The following SLC6A3 variants were observed in gnomAD, a reference collection of about 807,000 sequenced individuals.
The protein encoded by SLC6A3 is sodium-dependent dopamine transporter.
SLC6A3 carries 19 observed loss-of-function variants against 70.4 expected under a neutral mutation model. The ratio of observed to expected loss-of-function variants is 0.27; its 90% CI spans 0.19 to 0.40. SLC6A3 has a LOEUF of 0.40. Ranked by LOEUF, SLC6A3 falls within the 10% of genes least tolerant of loss-of-function variation. The pLI, the probability that SLC6A3 is intolerant of heterozygous loss-of-function variation, is 1.00. For missense variants in SLC6A3, 613 were observed against 838.5 expected, an observed-to-expected ratio of 0.73 and a Z score of 3.32; for synonymous variants, 368 against 356.6, an observed-to-expected ratio of 1.03 and a Z score of -0.36.
At position 1,421,861 on chromosome 5, in the gene SLC6A3, AC is replaced by A; in HGVS notation, c.792+14del. ...CCCATGTCTACAGGCCCAATTGGTG[AC>A]CCCCGAGCCTCACCTTCCCTGAGGT... On this transcript the variant is annotated intron_variant, in intron 5 of 14. Transcript: ENST00000270349. This position sits in a 1 kb window ranked among gnomAD's most constrained non-coding sequence, Gnocchi z 7.2. 1.2e-5 allele frequency: 20 copies of A among 1,612,526 alleles called. No individual in the cohort carries two copies. The highest frequency in any genetic ancestry group is 1.6e-5 in the Non-Finnish European group (19 of 1,179,858).
At position 1,405,945 on chromosome 5, in the gene SLC6A3, G is replaced by A. The variant is rs186123863; in HGVS notation, c.1599+243C>T. Among the ~76,000 whole-genome samples, 26 of 152,296 alleles carry A rather than the reference G, an allele frequency of 1.7e-4. No individual in the cohort carries two copies. The East Asian group carries it at 4.8e-3, about 28-fold the overall frequency. ...GCGGCCCAAGTGCAGGACTCACAACGGACTGTGACAGGGGTCCAAGACCAT... is the reference window on the plus strand; with the variant it reads ...GCGGCCCAAGTGCAGGACTCACAACAGACTGTGACAGGGGTCCAAGACCAT... On this transcript the variant is annotated intron_variant, in intron 12 of 14. Transcript: ENST00000270349. The surrounding 1 kb of genome is among the most constrained non-coding windows in gnomAD (Gnocchi z 5.3).
Position 1,411,397 on chromosome 5 carries a change from T to C in SLC6A3, c.1157-42A>G. On this transcript the variant is annotated intron_variant, in intron 8 of 14. Transcript: ENST00000270349. The surrounding 1 kb of genome is among the most constrained non-coding windows in gnomAD (Gnocchi z 6.5). ...CCTGCTTGCCACAGAGCCCACGCTG[T>C]GCTCTCCCGCCCATCCTGCCCCACC... 1 of 1,437,946 alleles carries C rather than the reference T, an allele frequency of 7.0e-7. No homozygotes were observed. The highest frequency in any genetic ancestry group is 9.6e-7 in the Non-Finnish European group (1 of 1,045,862). The allele number at this position is 1,437,946 out of a possible 1,614,324, so 89.1% of individuals were successfully genotyped here.
In SLC6A3 at chr5:1,438,456, C is replaced by G. The variant is rs529450919; in HGVS notation, c.418+2903G>C. Among the ~76,000 whole-genome samples the G allele has an allele frequency of 2.0e-5, 3 of 152,228 alleles. No individual in the cohort carries two copies. The highest frequency in any genetic ancestry group is 7.2e-5 in the African/African-American group (3 of 41,464). On this transcript the variant is annotated intron_variant, in intron 3 of 14. Coordinates refer to ENST00000270349, the MANE Select transcript of SLC6A3 (RefSeq NM_001044.5). The surrounding 1 kb of genome is among the most constrained non-coding windows in gnomAD (Gnocchi z 6.5). ...ATCCGCCGGCTGCATTTCTTCAGAA[C>G]GAGGTGCCACTGCTCACGCTGATGG...
intron 8 of SLC6A3, among the ~76,000 whole-genome samples, chr5:1,412,916 G>T (rs187735365): frequency 2.6e-5 from 4 of 152,236 alleles, no homozygotes; most frequent in African/African-American, 9.6e-5. Context: ...CGCGTGGGGT[G>T]GGGGAGGCAG....
Position 1,392,941 on chromosome 5 carries a change from A to C in SLC6A3, c.*1794T>G, listed in dbSNP as rs1560901019. 1.3e-5 allele frequency: 2 copies of C among 151,416 alleles called. No homozygotes were observed. Among genetic ancestry groups the C allele is most frequent in the African/African-American group, 4.9e-5 (2 of 40,736 alleles). 9.4% of individuals were successfully genotyped at this position (151,416 alleles called of 1,614,324 possible). On this transcript the variant is annotated 3_prime_UTR_variant, in exon 15 of 15. Coordinates refer to ENST00000270349, the MANE Select transcript of SLC6A3 (RefSeq NM_001044.5). ...GGAAGCCGCTCTCTGTGCTGACTGC[A>C]GCAGCCAGAAGGCGATGGGGAAGCT...
At position 1,438,738 on chromosome 5, in the gene SLC6A3, G is replaced by C. The variant is rs1035184190; in HGVS notation, c.418+2621C>G. ...TGCTCCAACACCAGGCTCACTGGCG[G>C]GAGTGGGGCACAGGGCTGTGCCTTG... is the stretch of plus-strand genomic sequence containing the variant. On this transcript the variant is annotated intron_variant, in intron 3 of 14. Coordinates refer to ENST00000270349, the MANE Select transcript of SLC6A3 (RefSeq NM_001044.5). The surrounding 1 kb of genome is among the most constrained non-coding windows in gnomAD (Gnocchi z 6.5). 1.3e-5 allele frequency among the ~76,000 whole-genome samples: 2 copies of C among 152,350 alleles called. No individual in the cohort carries two copies. Among genetic ancestry groups the C allele is most frequent in the East Asian group, 1.9e-4 (1 of 5,186 alleles).
In SLC6A3 at chr5:1,402,082, G is replaced by A. The variant is rs1001030820; in HGVS notation, c.1767+840C>T. 4.6e-5 allele frequency among the ~76,000 whole-genome samples: 7 copies of A among 152,184 alleles called. No individual in the cohort carries two copies. Among genetic ancestry groups the A allele is most frequent in the Admixed American group, 2.0e-4 (3 of 15,288 alleles). On this transcript the variant is annotated intron_variant, in intron 13 of 14. Coordinates refer to ENST00000270349, the MANE Select transcript of SLC6A3 (RefSeq NM_001044.5). The surrounding 1 kb of genome is among the most constrained non-coding windows in gnomAD (Gnocchi z 8.5). Reference sequence around the variant, plus strand: ...GTCTGAGCCCAGGGGACACCGTGTGGCCCTAAGGTGGAATCCTTGAACACA... The same window carrying A: ...GTCTGAGCCCAGGGGACACCGTGTGACCCTAAGGTGGAATCCTTGAACACA...
intron 6 of SLC6A3, among the ~76,000 whole-genome samples, chr5:1,419,700 T>C (rs1229732049): frequency 6.6e-6 from 1 of 152,122 alleles, no homozygotes; most frequent in African/African-American, 2.4e-5. Context: ...CTCCTCTCTC[T>C]TCCTTGGCTC....
intron 4 of SLC6A3, among the ~76,000 whole-genome samples, chr5:1,422,918 A>G (rs2652520): frequency 3.2e-3 from 100 of 31,036 alleles, no homozygotes; most frequent in South Asian, 6.7e-3. Flanking sequence ...GGTGCTGGGT[A>G]CCCACCGCTG....
intron 14 of SLC6A3, among the ~76,000 whole-genome samples, chr5:1,400,133 T>C (rs1420316808): frequency 6.6e-6 from 1 of 152,174 alleles, no homozygotes; most frequent in Non-Finnish European, 1.5e-5. Context: ...TAGGCTGACA[T>C]TAGTGTATGG....
In SLC6A3 at chr5:1,412,930, C is replaced by T. The variant is rs546395655; in HGVS notation, c.1157-1575G>A. On this transcript the variant is annotated intron_variant, in intron 8 of 14. Transcript: ENST00000270349. ...CCGCGTGGGGTGGGGGAGGCAGGCT[C>T]GCCTGAGATGTTCCGGGGCTTAGAT... Among the ~76,000 whole-genome samples, 23 of 152,282 alleles carry T rather than the reference C, an allele frequency of 1.5e-4. 1 individual carries two copies. The highest frequency in any genetic ancestry group is 2.5e-4 in the Non-Finnish European group (17 of 68,030).
rs147961632 is a variant in SLC6A3, at chr5:1,393,963, G to A, written c.*772C>T. Reference sequence around the variant, plus strand: ...ACGCTCCTGTGGGGGCCCTGCATGCGTCCGGGGATAGGACACGCTCCTCTC... The same window carrying A: ...ACGCTCCTGTGGGGGCCCTGCATGCATCCGGGGATAGGACACGCTCCTCTC... On this transcript the variant is annotated 3_prime_UTR_variant, in exon 15 of 15. Coordinates refer to ENST00000270349, the MANE Select transcript of SLC6A3 (RefSeq NM_001044.5). 830 of 154,254 alleles carry A rather than the reference G, an allele frequency of 5.4e-3. 9 individuals are homozygous for A. The highest frequency in any genetic ancestry group is 0.019 in the African/African-American group (789 of 41,194). The allele number at this position is 154,254 out of a possible 1,614,324, so 9.6% of individuals were successfully genotyped here. A position where few individuals can be genotyped will look rare whatever the true frequency, so the allele number is the denominator to read the frequency against.
Position 1,413,788 on chromosome 5 carries a change from G to C in SLC6A3, c.1156+903C>G, listed in dbSNP as rs28363079. On this transcript the variant is annotated intron_variant, in intron 8 of 14. Transcript: ENST00000270349. This position sits in a 1 kb window ranked among gnomAD's most constrained non-coding sequence, Gnocchi z 7.1. Reference sequence around the variant, plus strand: ...AGCCTTGGGACTCCCTGGAGCTCTCGGTTGGCCCAAGTTAGGGCTGCCAAC... The same window carrying C: ...AGCCTTGGGACTCCCTGGAGCTCTCCGTTGGCCCAAGTTAGGGCTGCCAAC... 6.6e-6 allele frequency among the ~76,000 whole-genome samples: 1 copy of C among 152,074 alleles called. No homozygotes were observed. Among genetic ancestry groups the C allele is most frequent in the Non-Finnish European group, 1.5e-5 (1 of 67,998 alleles).
chr5:1,443,095 T>C lies in SLC6A3; in HGVS notation c.103A>G (p.Lys35Glu). The C allele has an allele frequency of 3.1e-6, 5 of 1,614,206 alleles. No homozygotes were observed. The highest frequency in any genetic ancestry group is 1.3e-5 in the African/African-American group (1 of 75,058). ...GTGAGCTGCACTCCGTTCTGCTCCT[T>C]GACAAGGATGAGCTCCACCTCCTTC... Reference protein sequence around the residue: ...GPKEVELILVKEQNGVQLTSS... With the variant: ...GPKEVELILVEEQNGVQLTSS... The change falls in exon 2 of 15, where the codon AAG becomes GAG. Residue 35 changes from lysine to glutamate, a missense_variant. By Grantham distance (56) the Lys-to-Glu change is moderately conservative. Around this residue, in one of 4 missense-constraint regions of SLC6A3, gnomAD observed 111 missense variants for 91.6 expected, o/e 1.21. Coordinates refer to ENST00000270349, the MANE Select transcript of SLC6A3 (RefSeq NM_001044.5).
In SLC6A3 at chr5:1,443,020, G is replaced by A. The variant is rs1579729357; in HGVS notation, c.178C>T (p.Arg60Trp). Residue 60 changes from arginine to tryptophan, a missense_variant, in exon 2 of 15, where the codon CGG becomes TGG. Physicochemically the swap from Arg to Trp is moderately radical, Grantham distance 101 (BLOSUM62 -3). Coordinates refer to ENST00000270349, the MANE Select transcript of SLC6A3 (RefSeq NM_001044.5). ...TCGATCTTCTTGCCCCAGGTCTCCC[G>A]ATCCTGGGCCTCCACGGGGCTCTGC... ...PRQSPVEAQD[R>W]ETWGKKIDFL... 2 of 1,614,212 alleles carry A rather than the reference G, an allele frequency of 1.2e-6. No individual in the cohort carries two copies. Among genetic ancestry groups the A allele is most frequent in the Non-Finnish European group, 1.7e-6 (2 of 1,180,042 alleles).
intron 14 of SLC6A3, 100 bp downstream of exon 14, chr5:1,400,815 C>T (rs2126318972): frequency 1.3e-6 from 1 of 755,334 alleles, no homozygotes; most frequent in Admixed American, 2.2e-5. Context: ...AAATGAGCAC[C>T]ATCTACACCA....
rs552328190 is a variant in SLC6A3 at position 1,413,310 on chromosome 5, T to C, written c.1156+1381A>G. Among the ~76,000 whole-genome samples, 1 of 152,204 alleles carries C rather than the reference T, an allele frequency of 6.6e-6. No homozygotes were observed. Among genetic ancestry groups the C allele is most frequent in the African/African-American group, 2.4e-5 (1 of 41,456 alleles). ...TTTTCCTAGTGGAAAGAACATGGGC[T>C]TAGGAGGCCCACCTCTGAGCTGTGG... On this transcript the variant is annotated intron_variant, in intron 8 of 14. Coordinates refer to ENST00000270349, the MANE Select transcript of SLC6A3 (RefSeq NM_001044.5). This position sits in a 1 kb window ranked among gnomAD's most constrained non-coding sequence, Gnocchi z 7.1.
rs377653910 is a variant in SLC6A3, at chr5:1,443,264, AAC to A, written c.-45-24_-45-23del. The A allele has an allele frequency of 1.0e-4, 163 of 1,561,676 alleles. No homozygotes were observed. The East Asian group carries it at 3.4e-3, about 33-fold the overall frequency. On this transcript the variant is annotated intron_variant, in intron 1 of 14. Transcript: ENST00000270349. ...TGGTCTTCAGCCAATATGAAAAATAAACACACAACAGGAACGCAACAATTCAG... is the reference window on the plus strand; with the variant it reads ...TGGTCTTCAGCCAATATGAAAAATAAACACAACAGGAACGCAACAATTCAG...
chr5:1,419,783 C>T (rs547493118), intron 6 of SLC6A3, among the ~76,000 whole-genome samples: 4 of 152,114 alleles, frequency 2.6e-5, no homozygotes, highest in East Asian at 3.9e-4. Context: ...TGCAGGCACA[C>T]TTCCACCCCC....
Sources: gnomAD v4.1 joint callset for allele counts (sites outside exome capture counted in the v4.1 genomes callset) on GRCh38, gnomAD v4.1.1 for gene constraint, gnomAD v4.1.1 regional missense constraint, Gnocchi (gnomAD v3.1) non-coding constraint, MANE v1.5 for transcripts, NCBI Gene and HGNC (gene_info 2026-07-23, HGNC 2026-07-21) for gene names.